The following RTF2 variants were observed in gnomAD, a reference collection of about 807,000 sequenced individuals.
The protein encoded by RTF2 is UPF0549 protein C20orf43.
Under a neutral mutation model 38.0 loss-of-function variants are expected in RTF2, and 18 were observed. That is an observed-to-expected ratio of 0.47 (90% CI 0.33 to 0.70). The LOEUF is 0.70. Among genes scored for constraint, RTF2 ranks in the 30% least tolerant of loss-of-function variants. The pLI is 0.02. For synonymous variants in RTF2, 126 were observed against 137.1 expected, an observed-to-expected ratio of 0.92 and a Z score of 0.57; for missense variants, 311 against 379.6, an observed-to-expected ratio of 0.82 and a Z score of 1.50.
At chr20:56,491,914 C>T in intron 5 of RTF2, 2 of 651,260 alleles carry the variant, frequency 3.1e-6, no homozygotes, top group South Asian at 1.9e-5. Flanking sequence ...CATCAAACAG[C>T]ATTTCCATGA....
intron 5 of RTF2, chr20:56,495,423 A>G: frequency 5.5e-6 from 4 of 733,736 alleles, no homozygotes; most frequent in Non-Finnish European, 9.3e-6. Flanking sequence ...GTAGAGGGGA[A>G]AGTCCAACCT....
chr20:56,495,657 T>TAA (rs1232602200), intron 5 of RTF2, among the ~76,000 whole-genome samples: 1 of 152,168 alleles, frequency 6.6e-6, no homozygotes, highest in South Asian at 2.1e-4. Flanking sequence ...GTTTTCTCTG[T>TAA]AACAGCCCTC....
intron 4 of RTF2, among the ~76,000 whole-genome samples, chr20:56,481,670 G>A (rs2146324564): frequency 6.6e-6 from 1 of 152,222 alleles, no homozygotes; most frequent in Non-Finnish European, 1.5e-5. Context: ...TCAGGTGAAA[G>A]TCACATAAAA....
rs530719300 is a variant in RTF2 at position 56,513,037 on chromosome 20, A to G, written c.478-278A>G. ...GGGTCTAGGCACGGTGAGCCAAGCT[A>G]CTCTTGTCAGTTAAAAAATGGCGGG... is the stretch of plus-strand genomic sequence containing the variant. On this transcript the variant is annotated intron_variant, in intron 5 of 8. Transcript: ENST00000357348. Among the ~76,000 whole-genome samples the G allele has an allele frequency of 3.9e-5, 6 of 152,162 alleles. No individual in the cohort carries two copies. The South Asian group carries it at 6.2e-4, about 16-fold the overall frequency.
At chr20:56,513,225 C>T (rs891942345) in intron 5 of RTF2, 90 bp from the exon 6 acceptor site, 1 of 1,494,928 alleles carries the variant, frequency 6.7e-7, no homozygotes, top group Non-Finnish European at 9.0e-7. Flanking sequence ...AGCCTGGGGG[C>T]CACTGCTTGG....
intron 5 of RTF2, chr20:56,497,559 A>T (rs781761146): frequency 1.5e-5 from 21 of 1,376,034 alleles, no homozygotes; most frequent in Non-Finnish European, 1.9e-5. Context: ...GAAGATGCAA[A>T]TGACTGCCCT....
intron 5 of RTF2, among the ~76,000 whole-genome samples, chr20:56,510,691 A>G (rs778621611): frequency 3.3e-5 from 5 of 152,176 alleles, no homozygotes; most frequent in Non-Finnish European, 2.9e-5. Flanking sequence ...TGTAATCCCA[A>G]CACTTTGGGA....
chr20:56,513,445 G>T lies in RTF2; in HGVS notation c.591+17G>T, dbSNP rs764699999. 5.7e-6 allele frequency: 9 copies of T among 1,566,588 alleles called. No homozygotes were observed. Among genetic ancestry groups the T allele is most frequent in the Admixed American group, 1.9e-5 (1 of 52,018 alleles). ...CTGGAAAAGGTAATGGGAGTCTTCAGGTTCCGCCCAGCCCCCATCTCTGCT... is the reference window on the plus strand; with the variant it reads ...CTGGAAAAGGTAATGGGAGTCTTCATGTTCCGCCCAGCCCCCATCTCTGCT... On this transcript the variant is annotated intron_variant, in intron 6 of 8. Coordinates refer to ENST00000357348, the MANE Select transcript of RTF2 (RefSeq NM_016407.5).
At chr20:56,497,530 T>C in intron 5 of RTF2, 1 of 1,434,188 alleles carries the variant, frequency 7.0e-7, no homozygotes, top group Non-Finnish European at 9.3e-7. Context: ...GGAGTTGGAT[T>C]CCTTAAGTAA....
At chr20:56,515,661 C>G (rs1395585278) in intron 6 of RTF2, 3 of 126,330 alleles carry the variant, frequency 2.4e-5, no homozygotes, top group African/African-American at 9.9e-5. Context: ...CTGTCTCAGA[C>G]AGAGACACAC....
chr20:56,496,951 A>G (rs1475165334), intron 5 of RTF2: 7 of 1,551,412 alleles, frequency 4.5e-6, no homozygotes, highest in African/African-American at 1.4e-5. Context: ...CTTCTGATGT[A>G]GTGTATGATT....
rs1197151454 is a variant in RTF2 at position 56,468,697 on chromosome 20, G to T, written c.-1G>T. The T allele has an allele frequency of 3.8e-6, 6 of 1,579,010 alleles. No homozygotes were observed. The highest frequency in any genetic ancestry group is 2.3e-5 in the East Asian group (1 of 42,794). ...CTGCTGGCTCTGACTCCCGTCCTGC[G>T]ATGGGTTGCGACGGGGGAACAATCC... On this transcript the variant is annotated 5_prime_UTR_variant, in exon 1 of 9. Transcript: ENST00000357348.
chr20:56,501,560 A>T (rs1983928989), intron 5 of RTF2, among the ~76,000 whole-genome samples: 1 of 152,182 alleles, frequency 6.6e-6, no homozygotes, highest in Non-Finnish European at 1.5e-5. Context: ...TAGGTATGCA[A>T]GTTCTTTGTC....
intron 5 of RTF2, chr20:56,497,244 G>C: frequency 6.4e-7 from 1 of 1,551,778 alleles, no homozygotes; most frequent in Non-Finnish European, 8.7e-7. Context: ...CACAAACATG[G>C]CCAGCTCCTT....
chr20:56,483,667 A>C (rs774188680), intron 4 of RTF2, among the ~76,000 whole-genome samples: 3 of 152,122 alleles, frequency 2.0e-5, no homozygotes, highest in Non-Finnish European at 4.4e-5. Flanking sequence ...GTAAAAAATG[A>C]TGTGTCCTGG....
intron 5 of RTF2, among the ~76,000 whole-genome samples, chr20:56,503,372 A>G (rs1984047312): frequency 6.6e-6 from 1 of 152,224 alleles, no homozygotes; most frequent in South Asian, 2.1e-4. Flanking sequence ...TAGGATATCC[A>G]CTCAAAACAA....
intron 5 of RTF2, among the ~76,000 whole-genome samples, chr20:56,490,211 A>C (rs2146334738): frequency 6.6e-6 from 1 of 152,242 alleles, no homozygotes; most frequent in South Asian, 2.1e-4. Context: ...CCATTTACTG[A>C]GGTGCTTACA....
rs548002862 is a variant in RTF2, at chr20:56,479,213, TTTTG to T, written c.398+2097_398+2100del. Among the ~76,000 whole-genome samples the T allele has an allele frequency of 2.9e-3, 440 of 152,240 alleles. 1 individual carries two copies. The highest frequency in any genetic ancestry group is 4.1e-3 in the Non-Finnish European group (281 of 68,008). ...CCTCCTCTCATGAATCACAGATTTT[TTTTG>T]TTTGTTTTTTGTTTTTTTGTTTTTT... On this transcript the variant is annotated intron_variant, in intron 4 of 8. Coordinates refer to ENST00000357348, the MANE Select transcript of RTF2 (RefSeq NM_016407.5).
rs190236555 is a variant in RTF2 at position 56,477,197 on chromosome 20, G to A, written c.398+73G>A. ...TGCCGGTTTTGGTGGCAGTGGTGCC[G>A]GAGCTTAGCAGTCATGTGGCTTGCT... On this transcript the variant is annotated intron_variant, in intron 4 of 8. Coordinates refer to ENST00000357348, the MANE Select transcript of RTF2 (RefSeq NM_016407.5). The A allele has an allele frequency of 3.8e-5, 59 of 1,561,146 alleles. No homozygotes were observed. The Admixed American group carries it at 4.1e-4, about 11-fold the overall frequency.
Sources: gnomAD v4.1 joint callset for allele counts (sites outside exome capture counted in the v4.1 genomes callset) on GRCh38, gnomAD v4.1.1 for gene constraint, MANE v1.5 for transcripts, NCBI Gene and HGNC (gene_info 2026-07-23, HGNC 2026-07-21) for gene names.